The following NSMCE2 variants were observed in gnomAD, a reference collection of about 807,000 sequenced individuals.
NSMCE2 encodes NSE2 SUMO ligase component of SMC5/6 complex.
In NSMCE2, 24 loss-of-function variants were observed where a neutral mutation model predicts 23.8. The ratio of observed to expected loss-of-function variants is 1.01; its 90% confidence interval spans 0.73 to 1.42. The LOEUF (loss-of-function observed/expected upper bound fraction) is 1.42. NSMCE2 is among the 40% of genes most tolerant of loss of function. The pLI is 0.00. For synonymous variants in NSMCE2, 92 were observed against 94.1 expected, an observed-to-expected ratio of 0.98 and a Z score of 0.13; for missense variants, 284 against 296.5, an observed-to-expected ratio of 0.96 and a Z score of 0.31.
chr8:125,284,832 C>T (rs1195966988), intron 5 of NSMCE2, among the ~76,000 whole-genome samples: 1 of 152,184 alleles, frequency 6.6e-6, no homozygotes, highest in Non-Finnish European at 1.5e-5. Context: ...AGTGAAAACC[C>T]TGTCCCCTTT....
intron 5 of NSMCE2, among the ~76,000 whole-genome samples, chr8:125,212,119 G>A (rs1215919753): frequency 6.6e-6 from 1 of 152,176 alleles, no homozygotes; most frequent in African/African-American, 2.4e-5. Flanking sequence ...TTCTGCCTTT[G>A]TGTTAATTAG....
chr8:125,134,201 G>A (rs1312311143), intron 3 of NSMCE2, among the ~76,000 whole-genome samples: 1 of 152,184 alleles, frequency 6.6e-6, no homozygotes, highest in Non-Finnish European at 1.5e-5. Context: ...ATACTTAACA[G>A]AAAAACTGTA....
At chr8:125,284,276 G>A (rs1323293384) in intron 5 of NSMCE2, among the ~76,000 whole-genome samples, 2 of 151,446 alleles carry the variant, frequency 1.3e-5, no homozygotes, top group Non-Finnish European at 2.9e-5. Flanking sequence ...GTATGTCTTC[G>A]ACTCTCACAA....
At chr8:125,202,847 G>T (rs1004283517) in intron 5 of NSMCE2, among the ~76,000 whole-genome samples, 1 of 152,144 alleles carries the variant, frequency 6.6e-6, no homozygotes, top group Non-Finnish European at 1.5e-5. Flanking sequence ...ATAAAATATT[G>T]CTGGACTTTC....
At chr8:125,352,089 G>A (rs565967652) in intron 5 of NSMCE2, among the ~76,000 whole-genome samples, 43 of 152,276 alleles carry the variant, frequency 2.8e-4, no homozygotes, top group African/African-American at 9.1e-4. Flanking sequence ...TTCTTCATGG[G>A]TATTTTGTTA....
At chr8:125,174,394 T>C (rs1822372005) in intron 4 of NSMCE2, among the ~76,000 whole-genome samples, 1 of 152,200 alleles carries the variant, frequency 6.6e-6, no homozygotes, top group Non-Finnish European at 1.5e-5. Context: ...AAGCCAGAGA[T>C]GTAAAATCAG....
chr8:125,186,267 C>T (rs187122750), intron 5 of NSMCE2, among the ~76,000 whole-genome samples: 1 of 152,340 alleles, frequency 6.6e-6, no homozygotes, highest in Admixed American at 6.5e-5. Context: ...ACTGTCATGG[C>T]AGGGTTGAGT....
At chr8:125,226,369 G>C (rs1033383521) in intron 5 of NSMCE2, among the ~76,000 whole-genome samples, 1 of 152,202 alleles carries the variant, frequency 6.6e-6, no homozygotes, top group East Asian at 1.9e-4. Context: ...GGACATTCGC[G>C]TGGGTCGTTT....
chr8:125,185,066 C>T (rs1265742952), intron 5 of NSMCE2, among the ~76,000 whole-genome samples: 1 of 152,066 alleles, frequency 6.6e-6, no homozygotes, highest in Admixed American at 6.6e-5. Flanking sequence ...TATATAAGAA[C>T]ATAAATACAT....
chr8:125,332,180 G>GC (rs1829906391), intron 5 of NSMCE2, among the ~76,000 whole-genome samples: 1 of 152,086 alleles, frequency 6.6e-6, no homozygotes, highest in Admixed American at 6.5e-5. Flanking sequence ...CCTAAATAAA[G>GC]CAAATTTGAG....
At chr8:125,209,193 T>G (rs1824232735) in intron 5 of NSMCE2, among the ~76,000 whole-genome samples, 5 of 152,190 alleles carry the variant, frequency 3.3e-5, no homozygotes. Context: ...AAATGCACAT[T>G]TTGTTTTTAT....
intron 5 of NSMCE2, among the ~76,000 whole-genome samples, chr8:125,268,271 A>C (rs117886682): frequency 6.6e-6 from 1 of 152,022 alleles, no homozygotes; most frequent in Non-Finnish European, 1.5e-5. Flanking sequence ...GAGAAGGTCA[A>C]CATTTGGTTA....
In NSMCE2 at chr8:125,322,864, A is replaced by T. The variant is rs187469440; in HGVS notation, c.419-34355A>T. 9.8e-5 allele frequency among the ~76,000 whole-genome samples: 15 copies of T among 152,350 alleles called. No homozygotes were observed. In the East Asian group the frequency reaches 2.9e-3, roughly 29 times the overall value. On this transcript the variant is annotated intron_variant, in intron 5 of 7. Coordinates refer to ENST00000287437, the MANE Select transcript of NSMCE2 (RefSeq NM_173685.4). ...TTTATGATATCATCAAAAATATGAA[A>T]TACTGCCAACATGGCAAAACCCCAT...
At chr8:125,135,068 C>G (rs1450148126) in intron 3 of NSMCE2, among the ~76,000 whole-genome samples, 1 of 152,064 alleles carries the variant, frequency 6.6e-6, no homozygotes, top group Non-Finnish European at 1.5e-5. Context: ...AAATGCCAAC[C>G]TCCATGTCTG....
intron 5 of NSMCE2, among the ~76,000 whole-genome samples, chr8:125,208,363 AC>A (rs1824196702): frequency 6.6e-6 from 1 of 152,202 alleles, no homozygotes; most frequent in South Asian, 2.1e-4. Flanking sequence ...TTTGCCTGGC[AC>A]TGGACTAGAT....
chr8:125,297,833 C>CA (rs35135540), intron 5 of NSMCE2, among the ~76,000 whole-genome samples: 29,285 of 146,970 alleles, frequency 0.2, 2,878 homozygotes, highest in Middle Eastern at 0.24. Context: ...GACTCTGTCT[C>CA]AAAAAAAAAA....
At chr8:125,118,437 C>G (rs898451549) in intron 3 of NSMCE2, among the ~76,000 whole-genome samples, 2 of 152,142 alleles carry the variant, frequency 1.3e-5, no homozygotes, top group Non-Finnish European at 2.9e-5. Flanking sequence ...ACTAGAGTTT[C>G]AGTAGGTCTC....
At chr8:125,250,051 G>A (rs767375939) in intron 5 of NSMCE2, among the ~76,000 whole-genome samples, 10 of 152,118 alleles carry the variant, frequency 6.6e-5, no homozygotes, top group East Asian at 1.9e-4. Flanking sequence ...GTGCAATGGC[G>A]CAATCTCGGC....
intron 5 of NSMCE2, among the ~76,000 whole-genome samples, chr8:125,287,646 A>C (rs1411672299): frequency 6.6e-6 from 1 of 152,156 alleles, no homozygotes; most frequent in Non-Finnish European, 1.5e-5. Context: ...CAACCCTTTA[A>C]AATGAAACAG....
Sources: gnomAD v4.1 joint callset for allele counts (sites outside exome capture counted in the v4.1 genomes callset) on GRCh38, gnomAD v4.1.1 for gene constraint, MANE v1.5 for transcripts, NCBI Gene and HGNC (gene_info 2026-07-23, HGNC 2026-07-21) for gene names.